SYNPR: variants seen among roughly 807,000 people sequenced by gnomAD.
SYNPR encodes synaptoporin.
SYNPR carries 23 observed loss-of-function variants against 32.9 expected under a neutral mutation model. That is an observed-to-expected ratio of 0.70 (90% CI 0.50 to 0.99). SYNPR has a LOEUF of 0.99. SYNPR is among the 50% of genes least tolerant of loss of function. SYNPR has a pLI of 0.00. For missense variants in SYNPR, 318 were observed against 349.3 expected (o/e 0.91, Z 0.71); for synonymous variants, 146 against 135.9 (o/e 1.07, Z -0.52).
intron 2 of SYNPR, among the ~76,000 whole-genome samples, chr3:63,467,429 T>C (rs1216507220): frequency 6.6e-6 from 1 of 152,232 alleles, no homozygotes; most frequent in Non-Finnish European, 1.5e-5. Context: ...TTGCTCCTTT[T>C]GGTATAGTTA....
At chr3:63,534,800 G>A (rs1206378600) in intron 3 of SYNPR, among the ~76,000 whole-genome samples, 1 of 152,096 alleles carries the variant, frequency 6.6e-6, no homozygotes, top group African/African-American at 2.4e-5. Flanking sequence ...GTTGGAGAAG[G>A]TCAGGCTCTT....
intron 4 of SYNPR, among the ~76,000 whole-genome samples, chr3:63,580,552 T>C (rs1283599791): frequency 1.3e-5 from 2 of 151,892 alleles, no homozygotes; most frequent in Non-Finnish European, 2.9e-5. Flanking sequence ...ATTAACCTAA[T>C]ATGAACATCA....
intron 3 of SYNPR, among the ~76,000 whole-genome samples, chr3:63,546,722 A>AAT (rs780556702): frequency 5.1e-4 from 78 of 152,120 alleles, no homozygotes; most frequent in Non-Finnish European, 8.7e-4. Flanking sequence ...TGAAAAAAAA[A>AAT]GTTCCTCCTA....
At chr3:63,350,213 T>TACAC (rs67609911) in intron 2 of SYNPR, among the ~76,000 whole-genome samples, 6,208 of 144,766 alleles carry the variant, frequency 0.043, 189 homozygotes, top group South Asian at 0.13. Context: ...AATATTATTC[T>TACAC]ACACACACAC....
intron 2 of SYNPR, among the ~76,000 whole-genome samples, chr3:63,468,716 G>C (rs1379895140): frequency 6.6e-6 from 1 of 152,112 alleles, no homozygotes; most frequent in Non-Finnish European, 1.5e-5. Flanking sequence ...CGTGAGGATG[G>C]CTTGAACCCA....
intron 2 of SYNPR, among the ~76,000 whole-genome samples, chr3:63,442,774 C>A (rs1384024247): frequency 6.6e-6 from 1 of 152,162 alleles, no homozygotes; most frequent in East Asian, 1.9e-4. Flanking sequence ...TCCAGTACAT[C>A]ACCTTAATGA....
intron 2 of SYNPR, among the ~76,000 whole-genome samples, chr3:63,331,087 A>G (rs906607543): frequency 6.6e-6 from 1 of 152,180 alleles, no homozygotes; most frequent in East Asian, 1.9e-4. Context: ...TACACAGCAC[A>G]TATATCATTA....
upstream of SYNPR, among the ~76,000 whole-genome samples, chr3:63,275,448 A>G (rs561430816): frequency 6.6e-5 from 10 of 152,340 alleles, no homozygotes; most frequent in East Asian, 1.9e-3. Context: ...ATTTGCCACA[A>G]TTCTGACTTC....
intron 2 of SYNPR, among the ~76,000 whole-genome samples, chr3:63,281,995 C>A (rs920608587): frequency 1.3e-5 from 2 of 152,102 alleles, no homozygotes; most frequent in Admixed American, 6.6e-5. Flanking sequence ...CCAGCCTAGC[C>A]AACATAGGGA....
intron 2 of SYNPR, among the ~76,000 whole-genome samples, chr3:63,351,231 A>G (rs927244857): frequency 2.0e-5 from 3 of 152,070 alleles, no homozygotes; most frequent in Non-Finnish European, 4.4e-5. Flanking sequence ...CTGCTCATTT[A>G]TTTGTTGTTG....
At chr3:63,339,277 A>G (rs140896143) in intron 2 of SYNPR, among the ~76,000 whole-genome samples, 76 of 152,350 alleles carry the variant, frequency 5.0e-4, no homozygotes, top group African/African-American at 1.6e-3. Flanking sequence ...ATCTCTGCTC[A>G]CATGGTACTT....
intron 3 of SYNPR, among the ~76,000 whole-genome samples, chr3:63,537,153 A>G (rs1437451093): frequency 6.6e-6 from 1 of 152,112 alleles, no homozygotes; most frequent in East Asian, 1.9e-4. Context: ...ATTACTTAAA[A>G]AAAAATTAGG....
At chr3:63,455,218 G>C (rs919300416) in intron 2 of SYNPR, among the ~76,000 whole-genome samples, 1 of 151,928 alleles carries the variant, frequency 6.6e-6, no homozygotes, top group Non-Finnish European at 1.5e-5. Context: ...TGAAATATTT[G>C]AGCCAATATG....
chr3:63,526,635 G>A (rs550089710), intron 3 of SYNPR, among the ~76,000 whole-genome samples: 106 of 152,208 alleles, frequency 7.0e-4, no homozygotes, highest in Non-Finnish European at 1.3e-3. Flanking sequence ...GTTAGTATAA[G>A]GAAAAAGGGA....
intron 4 of SYNPR, among the ~76,000 whole-genome samples, chr3:63,574,757 T>A (rs1702949587): frequency 6.6e-6 from 1 of 152,014 alleles, no homozygotes; most frequent in African/African-American, 2.4e-5. Flanking sequence ...CAATACATAG[T>A]GTTGAATGAA....
At chr3:63,387,735 G>C (rs1045347913) in intron 2 of SYNPR, among the ~76,000 whole-genome samples, 1 of 152,162 alleles carries the variant, frequency 6.6e-6, no homozygotes, top group Non-Finnish European at 1.5e-5. Context: ...TAGCAAGAAA[G>C]GCATTATGTA....
At chr3:63,250,109 T>C (rs1407242947) in intron 1 of SYNPR, among the ~76,000 whole-genome samples, 1 of 152,040 alleles carries the variant, frequency 6.6e-6, no homozygotes, top group Non-Finnish European at 1.5e-5. Context: ...GGTTCTAGGG[T>C]TCTATAGCAT....
At chr3:63,330,107 T>C (rs751211134) in intron 2 of SYNPR, 15 of 152,168 alleles carry the variant, frequency 9.9e-5, no homozygotes, top group Non-Finnish European at 1.6e-4. Flanking sequence ...TCAGTGACTC[T>C]TTCTGGACTC....
chr3:63,245,759 G>A (rs2086283237), intron 1 of SYNPR, among the ~76,000 whole-genome samples: 2 of 136,490 alleles, frequency 1.5e-5, no homozygotes, highest in South Asian at 4.4e-4. Context: ...GTGTGTGTGT[G>A]TGTGTGTGGT....
Sources: gnomAD v4.1 joint callset for allele counts (sites outside exome capture counted in the v4.1 genomes callset) on GRCh38, gnomAD v4.1.1 for gene constraint, MANE v1.5 for transcripts, NCBI Gene and HGNC (gene_info 2026-07-23, HGNC 2026-07-21) for gene names.